Variants in RBFOX1 observed in about 807,000 individuals in gnomAD.
RBFOX1 encodes RNA binding protein fox-1 homolog 1.
Under a neutral mutation model 57.7 loss-of-function variants are expected in RBFOX1, and 8 were observed. That is an observed-to-expected ratio of 0.14 (90% CI 0.08 to 0.25). The LOEUF is 0.25. RBFOX1 is among the 10% of genes least tolerant of loss of function. RBFOX1 has a pLI of 1.00. For synonymous variants in RBFOX1, 326 were observed against 222.4 expected, an observed-to-expected ratio of 1.47 and a Z score of -4.15; for missense variants, 611 against 548.5, an observed-to-expected ratio of 1.11 and a Z score of -1.14.
At chr16:5,429,015 C>G (rs1023956648) in intron 1 of RBFOX1, among the ~76,000 whole-genome samples, 2 of 152,056 alleles carry the variant, frequency 1.3e-5, no homozygotes, top group Admixed American at 1.3e-4. Context: ...AATGGAAGTA[C>G]CAGGGAGGTT....
At chr16:7,312,443 T>C (rs1039813014) in intron 4 of RBFOX1, among the ~76,000 whole-genome samples, 1 of 152,214 alleles carries the variant, frequency 6.6e-6, no homozygotes, top group African/African-American at 2.4e-5. Context: ...GTAGGATTTG[T>C]TTATTGAAGC....
intron 3 of RBFOX1, among the ~76,000 whole-genome samples, chr16:6,702,952 C>A (rs137991063): frequency 6.6e-6 from 1 of 152,294 alleles, no homozygotes; most frequent in Non-Finnish European, 1.5e-5. Context: ...CTCTGGCCAC[C>A]AGCATTCTGC....
intron 11 of RBFOX1, among the ~76,000 whole-genome samples, chr16:7,645,287 C>T (rs1231780995): frequency 6.6e-6 from 1 of 152,060 alleles, no homozygotes; most frequent in African/African-American, 2.4e-5. Flanking sequence ...AACTACCACC[C>T]ATAAAAAGTT....
intron 2 of RBFOX1, among the ~76,000 whole-genome samples, chr16:6,409,981 C>T (rs1037266076): frequency 1.3e-5 from 2 of 152,096 alleles, no homozygotes; most frequent in Non-Finnish European, 2.9e-5. Context: ...CCAGAGGCTG[C>T]TTGCTTTACC....
intron 4 of RBFOX1, among the ~76,000 whole-genome samples, chr16:7,293,473 A>T (rs576658509): frequency 6.6e-6 from 1 of 152,164 alleles, no homozygotes; most frequent in African/African-American, 2.4e-5. Context: ...CACCATCTTC[A>T]TGTCTGCTCA....
chr16:7,147,474 C>A lies in RBFOX1; in HGVS notation c.27+95376C>A, dbSNP rs552833297. Among the ~76,000 whole-genome samples the A allele has an allele frequency of 3.9e-5, 6 of 152,118 alleles. No individual in the cohort carries two copies. In the East Asian group the frequency reaches 9.7e-4, roughly 25 times the overall value. Reference sequence around the variant, plus strand: ...TTTTTCAACCCCGGCCTTCCCACTCCCCTGCATCTCATAGTCTCCAGTGTC... The same window carrying A: ...TTTTTCAACCCCGGCCTTCCCACTCACCTGCATCTCATAGTCTCCAGTGTC... On this transcript the variant is annotated intron_variant, in intron 4 of 15. Transcript: ENST00000550418.
chr16:7,204,845 G>T (rs1053422266), intron 4 of RBFOX1, among the ~76,000 whole-genome samples: 1 of 151,912 alleles, frequency 6.6e-6, no homozygotes, highest in Admixed American at 6.6e-5. Context: ...ACAGTTTCTG[G>T]CATTCGCCAT....
Position 5,605,304 on chromosome 16 carries a change from C to T in RBFOX1, c.318+6343C>T, listed in dbSNP as rs539923397. On this transcript the variant is annotated intron_variant, in intron 3 of 19. Transcript: ENST00000641259. ...GTTTCTCAGGCTCTTTCTGCTCTCA[C>T]GTCCCTGATCCCAGGTTATGATGCC... is the stretch of plus-strand genomic sequence containing the variant. 1.2e-4 allele frequency among the ~76,000 whole-genome samples: 18 copies of T among 152,322 alleles called. No individual in the cohort carries two copies. In the East Asian group the frequency reaches 1.7e-3, roughly 15 times the overall value.
chr16:7,173,156 C>G (rs1261563681), intron 4 of RBFOX1, among the ~76,000 whole-genome samples: 1 of 152,126 alleles, frequency 6.6e-6, no homozygotes, highest in East Asian at 1.9e-4. Context: ...ATTTTCTTGA[C>G]TTATAACAAA....
At chr16:5,267,523 C>A (rs1428516204) in intron 1 of RBFOX1, among the ~76,000 whole-genome samples, 2 of 151,648 alleles carry the variant, frequency 1.3e-5, no homozygotes, top group African/African-American at 4.8e-5. Flanking sequence ...GTCTCAAACT[C>A]CTGGCCTGAA....
At chr16:5,835,851 C>T (rs1239687321) in intron 3 of RBFOX1, among the ~76,000 whole-genome samples, 2 of 152,184 alleles carry the variant, frequency 1.3e-5, no homozygotes, top group Admixed American at 6.5e-5. Flanking sequence ...ACCATGCCCA[C>T]AGGCCTCCCA....
chr16:5,482,957 T>C lies in RBFOX1; in HGVS notation c.258+15703T>C, dbSNP rs1008580085. 6.0e-4 allele frequency among the ~76,000 whole-genome samples: 91 copies of C among 152,222 alleles called. 1 individual carries two copies. The highest frequency in any genetic ancestry group is 2.1e-3 in the African/African-American group (86 of 41,454). Reference sequence around the variant, plus strand: ...AAGCAGCTTATGGGTTAGAAGTCCCTCTTTCTATCCCTTTGAATTTTCTCT... The same window carrying C: ...AAGCAGCTTATGGGTTAGAAGTCCCCCTTTCTATCCCTTTGAATTTTCTCT... On this transcript the variant is annotated intron_variant, in intron 2 of 2. Coordinates refer to the RBFOX1 transcript ENST00000585867.
intron 3 of RBFOX1, among the ~76,000 whole-genome samples, chr16:6,959,836 C>G (rs763757772): frequency 6.5e-4 from 99 of 152,216 alleles, no homozygotes; most frequent in Non-Finnish European, 1.2e-3. Context: ...ACTCGGGAGG[C>G]TGAGGCAGGA....
intron 3 of RBFOX1, among the ~76,000 whole-genome samples, chr16:6,889,560 G>C (rs995422958): frequency 6.6e-6 from 1 of 152,176 alleles, no homozygotes; most frequent in African/African-American, 2.4e-5. Flanking sequence ...AATGATGATG[G>C]TTAGTATTTG....
intron 1 of RBFOX1, among the ~76,000 whole-genome samples, chr16:5,318,645 T>G (rs1057016655): frequency 6.6e-6 from 1 of 152,202 alleles, no homozygotes; most frequent in African/African-American, 2.4e-5. Context: ...GGGTTCCTCC[T>G]TGTGGTAGAC....
intron 2 of RBFOX1, among the ~76,000 whole-genome samples, chr16:6,438,513 A>T (rs28522402): frequency 0.094 from 14,295 of 152,090 alleles, 2,028 homozygotes; most frequent in African/African-American, 0.31. Context: ...GACTTTAGAC[A>T]TTGTTTGGTA....
intron 4 of RBFOX1, among the ~76,000 whole-genome samples, chr16:7,238,281 A>G (rs1473372902): frequency 6.6e-6 from 1 of 152,184 alleles, no homozygotes; most frequent in Admixed American, 6.5e-5. Context: ...TGGCTGTGCA[A>G]CACTGTGAAT....
At chr16:6,799,064 C>T (rs1207634816) in intron 3 of RBFOX1, among the ~76,000 whole-genome samples, 1 of 151,960 alleles carries the variant, frequency 6.6e-6, no homozygotes, top group Non-Finnish European at 1.5e-5. Flanking sequence ...TATTTGGTAG[C>T]TTATAATCTA....
At chr16:7,336,079 C>T (rs1438046442) in intron 4 of RBFOX1, among the ~76,000 whole-genome samples, 1 of 152,312 alleles carries the variant, frequency 6.6e-6, no homozygotes, top group East Asian at 1.9e-4. Context: ...CTTAACACTA[C>T]TTATTTCTGA....
Sources: gnomAD v4.1 joint callset for allele counts (sites outside exome capture counted in the v4.1 genomes callset) on GRCh38, gnomAD v4.1.1 for gene constraint, MANE v1.5 for transcripts, NCBI Gene and HGNC (gene_info 2026-07-23, HGNC 2026-07-21) for gene names.